C16orf96: variants seen among roughly 807,000 people sequenced by gnomAD.
The protein encoded by C16orf96 is chromosome 16 open reading frame 96.
A neutral mutation model predicts 103.6 loss-of-function variants in C16orf96; 108 were observed. The ratio of observed to expected loss-of-function variants is 1.04; its 90% CI spans 0.89 to 1.22. The LOEUF is 1.22. Among genes scored for constraint, C16orf96 ranks in the 50% most tolerant of loss-of-function variants. The probability of loss-of-function intolerance (pLI) is 0.00; values close to 1 mark genes in which losing one functional copy is unlikely to be tolerated. For missense variants in C16orf96, 1,586 were observed against 1,464.2 expected (o/e 1.08, Z -1.36); for synonymous variants, 566 against 593.5 (o/e 0.95, Z 0.67).
intron 2 of C16orf96, among the ~76,000 whole-genome samples, chr16:4,573,990 C>A (rs1012896902): frequency 6.7e-6 from 1 of 150,332 alleles, no homozygotes; most frequent in Non-Finnish European, 1.5e-5. Context: ...CAAGCCACCA[C>A]GCCTAGCTAA....
chr16:4,585,029 C>T (rs1896888052), intron 7 of C16orf96, among the ~76,000 whole-genome samples: 1 of 152,104 alleles, frequency 6.6e-6, no homozygotes, highest in Admixed American at 6.6e-5. Context: ...CACCTATAGT[C>T]CCAGCTACTG....
the C16orf96 span, among the ~76,000 whole-genome samples, chr16:4,547,347 G>A: frequency 6.6e-6 from 1 of 152,184 alleles, no homozygotes; most frequent in Admixed American, 6.5e-5. Flanking sequence ...TTGTTGGCTA[G>A]GCTGATCTTG....
At chr16:4,549,613 C>A in the C16orf96 span, among the ~76,000 whole-genome samples, 4 of 151,876 alleles carry the variant, frequency 2.6e-5, no homozygotes, top group Admixed American at 6.6e-5. Context: ...GCCTGGCCAA[C>A]ATAGGGAAAC....
chr16:4,595,019 G>A (rs1000584634), intron 14 of C16orf96, among the ~76,000 whole-genome samples: 3 of 152,202 alleles, frequency 2.0e-5, no homozygotes, highest in Admixed American at 6.5e-5. Context: ...TGCTGTTCCC[G>A]AGATCAACAG....
In C16orf96 at chr16:4,576,196, C is replaced by CGCTGCCGCCGCAGCCTACGCCGCT; in HGVS notation, c.1719_1742dup (p.Ala574_Ala581dup). The stretch of plus-strand genomic sequence containing the variant: ...TGAAAACCACCGCTGCCATCGCCGC[C>CGCTGCCGCCGCAGCCTACGCCGCT]GCTGCCGCCGCAGCCTACGCCGCTG... On this transcript the variant is annotated inframe_insertion, in exon 5 of 16. Transcript: ENST00000444310. 13 of 1,550,512 alleles carry CGCTGCCGCCGCAGCCTACGCCGCT rather than the reference C, an allele frequency of 8.4e-6. No homozygotes were observed. Among genetic ancestry groups the CGCTGCCGCCGCAGCCTACGCCGCT allele is most frequent in the Non-Finnish European group, 1.1e-5 (13 of 1,146,974 alleles).
intron 9 of C16orf96, 22 bp from the exon 10 acceptor site, chr16:4,591,644 T>C: frequency 6.5e-7 from 1 of 1,528,448 alleles, no homozygotes. Context: ...TTCTTTCTTA[T>C]CTTCCCCTTG....
At chr16:4,578,191 G>A (rs1267887196) in intron 5 of C16orf96, among the ~76,000 whole-genome samples, 1 of 151,994 alleles carries the variant, frequency 6.6e-6, no homozygotes. Context: ...GTCGCCGGTT[G>A]GAGTGCAATG....
intron 1 of C16orf96, among the ~76,000 whole-genome samples, chr16:4,566,280 A>G (rs1235783081): frequency 6.6e-6 from 1 of 152,186 alleles, no homozygotes. Context: ...ATGGCTGCAC[A>G]ATTTACATTC....
intron 7 of C16orf96, among the ~76,000 whole-genome samples, chr16:4,583,778 A>C (rs915042853): frequency 6.6e-6 from 1 of 151,774 alleles, no homozygotes; most frequent in African/African-American, 2.4e-5. Flanking sequence ...CAAAAAAATT[A>C]GCCAGGCGTG....
chr16:4,591,206 TAAAA>T (rs538709811), intron 9 of C16orf96, among the ~76,000 whole-genome samples: 240 of 152,084 alleles, frequency 1.6e-3, no homozygotes, highest in African/African-American at 5.4e-3. Context: ...TAAATAAAAT[TAAAA>T]ATAAATAAAT....
chr16:4,583,113 C>T (rs1465081593), intron 7 of C16orf96, among the ~76,000 whole-genome samples: 1 of 152,158 alleles, frequency 6.6e-6, no homozygotes, highest in Non-Finnish European at 1.5e-5. Context: ...TTGCGGGTGC[C>T]TGTAATCCCA....
chr16:4,594,386 T>G lies in C16orf96; in HGVS notation c.2903T>G (p.Ile968Ser). 6.5e-7 allele frequency: 1 copy of G among 1,549,250 alleles called. No homozygotes were observed. The highest frequency in any genetic ancestry group is 8.7e-7 in the Non-Finnish European group (1 of 1,146,810). ...TGGCTGCAGCTCCAGGACCTCGGTA[T>G]CCAGGAGGATTGTCAGCAGGACTGG... ...QQWLQLQDLG[I>S]QEDCQQDWGD... Residue 968 changes from isoleucine (I) to serine (S), a missense_variant, in exon 13 of 16, where the codon ATC becomes AGC. Physicochemically the swap from Ile to Ser is moderately radical, Grantham distance 142. Coordinates refer to ENST00000444310, the MANE Select transcript of C16orf96 (RefSeq NM_001145011.2).
intron 1 of C16orf96, among the ~76,000 whole-genome samples, chr16:4,558,807 C>T (rs1016457836): frequency 5.3e-5 from 8 of 151,008 alleles, no homozygotes; most frequent in Non-Finnish European, 1.0e-4. Flanking sequence ...CCCAGCTACT[C>T]GGGAGGCTGA....
At chr16:4,594,621 T>A (rs538293546) in intron 13 of C16orf96, 83 bp from the exon 14 acceptor site, 1 of 1,538,176 alleles carries the variant, frequency 6.5e-7, no homozygotes, top group African/African-American at 1.4e-5. Context: ...CTGCACTCTG[T>A]CTCCTGGGCT....
the C16orf96 span, among the ~76,000 whole-genome samples, chr16:4,540,093 T>A: frequency 1.3e-5 from 2 of 152,216 alleles, no homozygotes; most frequent in African/African-American, 4.8e-5. Context: ...CCTGTCTTGA[T>A]ACATTGGCTC....
At chr16:4,572,783 C>T (rs2059454359) in intron 2 of C16orf96, among the ~76,000 whole-genome samples, 1 of 152,160 alleles carries the variant, frequency 6.6e-6, no homozygotes, top group African/African-American at 2.4e-5. Context: ...GGCATACATA[C>T]AAGCTCCTTC....
chr16:4,594,178 C>G (rs1292070007), intron 12 of C16orf96, among the ~76,000 whole-genome samples, 173 bp from the exon 13 acceptor site: 1 of 152,228 alleles, frequency 6.6e-6, no homozygotes, highest in Non-Finnish European at 1.5e-5. Flanking sequence ...CTCTGCCCCA[C>G]TGTGTGTGTC....
At position 4,556,612 on chromosome 16, in the gene C16orf96, G is replaced by A; in HGVS notation, c.123G>A (p.Glu41=). 6.4e-7 allele frequency: 1 copy of A among 1,551,736 alleles called. No individual in the cohort carries two copies. Residue 41 remains glutamate, a synonymous_variant, in exon 1 of 16, where the codon GAG becomes GAA. Transcript: ENST00000444310. The part of the protein sequence containing the change: ...HGILEHIHMA[E]LKKVLSGDED... ...TCTTGGAGCACATCCACATGGCCGAGCTCAAGAAAGTCCTCTCAGGCGATG... is the reference window on the plus strand; with the variant it reads ...TCTTGGAGCACATCCACATGGCCGAACTCAAGAAAGTCCTCTCAGGCGATG...
the C16orf96 span, among the ~76,000 whole-genome samples, chr16:4,539,695 A>G: frequency 6.6e-6 from 1 of 152,140 alleles, no homozygotes; most frequent in African/African-American, 2.4e-5. Context: ...AAAAAAAGAA[A>G]GAAAGAAAGA....
Sources: gnomAD v4.1 joint callset for allele counts (sites outside exome capture counted in the v4.1 genomes callset) on GRCh38, gnomAD v4.1.1 for gene constraint, MANE v1.5 for transcripts, NCBI Gene and HGNC (gene_info 2026-07-23, HGNC 2026-07-21) for gene names.